SYNE1: variants seen among roughly 807,000 people sequenced by gnomAD.
The protein encoded by SYNE1 is nesprin-1.
Under a neutral mutation model 1,111.0 loss-of-function variants are expected in SYNE1, and 616 were observed. That is an observed-to-expected ratio of 0.55 (90% confidence interval 0.52 to 0.59). The LOEUF (loss-of-function observed/expected upper bound fraction) is 0.59. Among genes scored for constraint, SYNE1 ranks in the 20% least tolerant of loss-of-function variants. The pLI is 0.00. For missense variants in SYNE1, 10,006 were observed against 10,417.0 expected, an observed-to-expected ratio of 0.96 and a Z score of 1.72; for synonymous variants, 3,855 against 3,825.8, an observed-to-expected ratio of 1.01 and a Z score of -0.28.
chr6:152,466,155 A>G (rs986619410), intron 16 of SYNE1, 77 bp from the exon 17 acceptor site: 18 of 892,924 alleles, frequency 2.0e-5, no homozygotes, highest in Non-Finnish European at 3.3e-5. Flanking sequence ...TCTTCAGTAT[A>G]GCTATAAGCA....
chr6:152,492,762 G>C (rs879605065), intron 11 of SYNE1, among the ~76,000 whole-genome samples: 10 of 152,142 alleles, frequency 6.6e-5, no homozygotes, highest in Non-Finnish European at 1.2e-4. Context: ...TGGAGTGTAA[G>C]TCCATACCCT....
In SYNE1 at chr6:152,189,310, G is replaced by C. The variant is rs1289070478; in HGVS notation, c.23243C>G (p.Ser7748Cys). 1.2e-6 allele frequency: 2 copies of C among 1,613,882 alleles called. No homozygotes were observed. Among genetic ancestry groups the C allele is most frequent in the Non-Finnish European group, 1.7e-6 (2 of 1,179,986 alleles). The change falls in exon 128 of 146, where the codon TCC becomes TGC. Residue 7748 changes from serine to cysteine, a missense_variant. Transcript: ENST00000367255. ...LSAYISADDI[S>C]ILNERVELLQ... ...AAGCTCTACGCGTTCATTAAGAATG[G>C]AGATATCATCAGCACTGATATAGGC...
At chr6:152,504,712 A>C (rs2099048329) in intron 9 of SYNE1, among the ~76,000 whole-genome samples, 1 of 152,208 alleles carries the variant, frequency 6.6e-6, no homozygotes. Flanking sequence ...ATTTCCAAAA[A>C]GTCTTAGCAC....
chr6:152,175,518 T>C (rs1271309305), intron 130 of SYNE1, among the ~76,000 whole-genome samples: 2 of 152,194 alleles, frequency 1.3e-5, no homozygotes, highest in East Asian at 1.9e-4. Flanking sequence ...ACTCTCCTAA[T>C]TGCCATGAAG....
chr6:152,500,692 G>A (rs977926299), intron 10 of SYNE1, among the ~76,000 whole-genome samples: 1 of 152,130 alleles, frequency 6.6e-6, no homozygotes, highest in Admixed American at 6.5e-5. Flanking sequence ...GCTCACGCCT[G>A]TAATCCCAGC....
intron 3 of SYNE1, among the ~76,000 whole-genome samples, chr6:152,596,380 T>G (rs987134244): frequency 6.6e-6 from 1 of 151,212 alleles, no homozygotes; most frequent in African/African-American, 2.4e-5. Context: ...CTGAGCATCC[T>G]GAGTAGCTGG....
intron 128 of SYNE1, 60 bp from the exon 129 acceptor site, chr6:152,180,354 A>T: frequency 6.6e-7 from 1 of 1,522,866 alleles, no homozygotes; most frequent in Admixed American, 1.7e-5. Flanking sequence ...ACCACACTCC[A>T]AGGAAAATAG....
At chr6:152,275,894 C>CA (rs796637614) in intron 98 of SYNE1, among the ~76,000 whole-genome samples, 1,912 of 145,854 alleles carry the variant, frequency 0.013, 49 homozygotes, top group African/African-American at 0.046. Flanking sequence ...AAAAAAAAAA[C>CA]AAAAAAAAAT....
intron 3 of SYNE1, among the ~76,000 whole-genome samples, chr6:152,540,499 A>T (rs922169944): frequency 2.0e-5 from 3 of 152,252 alleles, no homozygotes; most frequent in African/African-American, 7.2e-5. Flanking sequence ...ACATGAAGCA[A>T]AAAAGGAACT....
intron 25 of SYNE1, among the ~76,000 whole-genome samples, chr6:152,451,662 A>G (rs931500087): frequency 4.0e-5 from 6 of 151,498 alleles, no homozygotes; most frequent in African/African-American, 1.5e-4. Flanking sequence ...TTGTACATTT[A>G]GTTGAGACAG....
intron 3 of SYNE1, among the ~76,000 whole-genome samples, chr6:152,601,789 T>C (rs2099596801): frequency 6.6e-6 from 1 of 152,172 alleles, no homozygotes; most frequent in Non-Finnish European, 1.5e-5. Context: ...ATCCCAGCAG[T>C]AGATGAAATG....
chr6:152,300,474 G>A (rs1034093986), intron 93 of SYNE1, among the ~76,000 whole-genome samples, 167 bp downstream of exon 93: 5 of 152,164 alleles, frequency 3.3e-5, no homozygotes, highest in Admixed American at 1.3e-4. Flanking sequence ...ATGACATACT[G>A]AGACACATGA....
intron 91 of SYNE1, 46 bp downstream of exon 91, chr6:152,308,443 T>C: frequency 6.2e-7 from 1 of 1,613,592 alleles, no homozygotes; most frequent in South Asian, 1.1e-5. Context: ...TATACTCTAA[T>C]CAAGCCAGTT....
chr6:152,282,054 G>A, intron 96 of SYNE1, 74 bp from the exon 97 acceptor site: 1 of 1,488,490 alleles, frequency 6.7e-7, no homozygotes, highest in Non-Finnish European at 9.3e-7. Flanking sequence ...GTAAAGCAAT[G>A]GTTCCAGGCC....
chr6:152,231,237 A>T (rs1276477828), intron 114 of SYNE1, among the ~76,000 whole-genome samples, 154 bp downstream of exon 114: 1 of 152,232 alleles, frequency 6.6e-6, no homozygotes, highest in East Asian at 1.9e-4. Flanking sequence ...CAACAGGTTA[A>T]AGGAAGTTTA....
chr6:152,315,104 C>T (rs964292383), intron 87 of SYNE1: 2 of 151,054 alleles, frequency 1.3e-5, no homozygotes, highest in African/African-American at 2.4e-5. Context: ...TAAACTTTCA[C>T]TACAGTTATT....
chr6:152,121,746 C>T lies in SYNE1; in HGVS notation c.*690G>A, dbSNP rs949859183. Reference sequence around the variant, plus strand: ...CAATACAAACAAAACTTGGCTTTAGCAAACTGTACATACATAAATATCTTT... The same window carrying T: ...CAATACAAACAAAACTTGGCTTTAGTAAACTGTACATACATAAATATCTTT... On this transcript the variant is annotated 3_prime_UTR_variant, in exon 146 of 146. Transcript: ENST00000367255. The T allele has an allele frequency of 1.3e-5, 2 of 148,632 alleles. No individual in the cohort carries two copies. Among genetic ancestry groups the T allele is most frequent in the Non-Finnish European group, 3.0e-5 (2 of 67,438 alleles). 9.2% of individuals were successfully genotyped at this position (148,632 alleles called of 1,614,324 possible).
chr6:152,390,489 T>TA, intron 52 of SYNE1, 37 bp from the exon 53 acceptor site: 1 of 1,604,736 alleles, frequency 6.2e-7, no homozygotes, highest in Non-Finnish European at 8.5e-7. Context: ...AGTAGGCATG[T>TA]AAAAACCTTC....
chr6:152,243,139 CTG>C (rs2086189702), intron 106 of SYNE1, among the ~76,000 whole-genome samples: 1 of 152,162 alleles, frequency 6.6e-6, no homozygotes, highest in Non-Finnish European at 1.5e-5. Flanking sequence ...TGGGGTAAAA[CTG>C]TTGAAAAACT....
Sources: allele counts gnomAD v4.1 joint callset (sites outside exome capture counted in the v4.1 genomes callset), GRCh38; gene constraint gnomAD v4.1.1; transcripts MANE v1.5; gene names NCBI Gene and HGNC (gene_info 2026-07-23, HGNC 2026-07-21).